Variants in TNRC18 observed in about 807,000 individuals in gnomAD.
The protein encoded by TNRC18 is trinucleotide repeat containing 18.
A neutral mutation model predicts 226.7 loss-of-function variants in TNRC18; 69 were observed. The ratio of observed to expected loss-of-function variants is 0.30; its 90% CI spans 0.25 to 0.37. The LOEUF is 0.37. TNRC18 is among the 10% of genes least tolerant of loss of function. The pLI is 1.00. For missense variants in TNRC18, 4,754 were observed against 4,256.6 expected (o/e 1.12, Z -3.25); for synonymous variants, 2,449 against 1,927.6 (o/e 1.27, Z -7.09).
Position 5,377,845 on chromosome 7 carries a change from G to T in TNRC18, c.2255+77C>A. 7.0e-7 allele frequency: 1 copy of T among 1,422,372 alleles called. No individual in the cohort carries two copies. Among genetic ancestry groups the T allele is most frequent in the Non-Finnish European group, 9.8e-7 (1 of 1,016,436 alleles). The allele number at this position is 1,422,372 out of a possible 1,614,324, so 88.1% of individuals were successfully genotyped here. A position where few individuals can be genotyped will look rare whatever the true frequency, so the allele number is the denominator to read the frequency against. Reference sequence around the variant, plus strand: ...CATGGTCGAGGGGCCAAGCCCACCTGGGGTCATCCAGCTGCCCCTCACCCC... The same window carrying T: ...CATGGTCGAGGGGCCAAGCCCACCTTGGGTCATCCAGCTGCCCCTCACCCC... On this transcript the variant is annotated intron_variant, in intron 6 of 29. Coordinates refer to ENST00000430969, the MANE Select transcript of TNRC18 (RefSeq NM_001080495.3). The surrounding 1 kb of genome is among the most constrained non-coding windows in gnomAD (Gnocchi z 5.8).
At chr7:5,382,573 G>A (rs1779473634) in intron 5 of TNRC18, among the ~76,000 whole-genome samples, 1 of 152,060 alleles carries the variant, frequency 6.6e-6, no homozygotes, top group Admixed American at 6.6e-5. Context: ...CTGGATAGAG[G>A]CCCCAGCAGG....
rs1414140978 is a variant in TNRC18, at chr7:5,370,831, C to G, written c.3763G>C (p.Val1255Leu). 2 of 1,609,262 alleles carry G rather than the reference C, an allele frequency of 1.2e-6. No homozygotes were observed. The highest frequency in any genetic ancestry group is 2.7e-5 in the African/African-American group (2 of 74,920). Residue 1255 changes from valine to leucine, a missense_variant, in exon 11 of 30, where the codon GTG becomes CTG. Val to Leu is a conservative substitution (Grantham distance 32). Transcript: ENST00000430969. ...LGVQLTPETL[V>L]EAKEEPVEVP... is the part of the protein sequence containing the mutation. ...TCCACCGGCTCCTCCTTGGCCTCCA[C>G]CAGTGTCTCGGGTGTCAGCTGCACC...
At chr7:5,349,099 G>A (rs991044194) in intron 17 of TNRC18, among the ~76,000 whole-genome samples, 4 of 152,176 alleles carry the variant, frequency 2.6e-5, no homozygotes, top group African/African-American at 7.2e-5. Flanking sequence ...GGGGGAGGGC[G>A]AGCTCTGGGT....
chr7:5,376,619 C>T (rs1014455232), intron 8 of TNRC18, among the ~76,000 whole-genome samples: 1 of 152,210 alleles, frequency 6.6e-6, no homozygotes, highest in Non-Finnish European at 1.5e-5. Flanking sequence ...CCACCCAGGG[C>T]TGCCTGTCTC....
intron 3 of TNRC18, among the ~76,000 whole-genome samples, chr7:5,392,114 G>A (rs1780345147): frequency 6.6e-6 from 1 of 152,064 alleles, no homozygotes; most frequent in Admixed American, 6.6e-5. Flanking sequence ...TCATGCCATT[G>A]ACAACACCCA....
Position 5,385,470 on chromosome 7 carries a change from G to A in TNRC18, c.2152+2202C>T, listed in dbSNP as rs562030063. 2.3e-3 allele frequency among the ~76,000 whole-genome samples: 337 copies of A among 146,370 alleles called. 2 individuals carry two copies. Among genetic ancestry groups the A allele is most frequent in the African/African-American group, 8.1e-3 (322 of 39,650 alleles). Reference sequence around the variant, plus strand: ...GCCACTGCAGTCCGCAGTCCGGCCTGGGCGACAGAGCGAGACTCCGTCTCA... The same window carrying A: ...GCCACTGCAGTCCGCAGTCCGGCCTAGGCGACAGAGCGAGACTCCGTCTCA... On this transcript the variant is annotated intron_variant, in intron 5 of 29. Coordinates refer to ENST00000430969, the MANE Select transcript of TNRC18 (RefSeq NM_001080495.3).
Position 5,362,158 on chromosome 7 carries a change from C to G in TNRC18, c.4396-125G>C, listed in dbSNP as rs565519448. On this transcript the variant is annotated intron_variant, in intron 12 of 29. Coordinates refer to ENST00000430969, the MANE Select transcript of TNRC18 (RefSeq NM_001080495.3). ...CTGGGAGCTGGGGCTCGAGTCCCAC[C>G]GCTGCCACCTCCTGACTGTGGCCAT... The G allele has an allele frequency of 5.4e-5, 63 of 1,164,424 alleles. No homozygotes were observed. In the African/African-American group the frequency reaches 8.0e-4, roughly 15 times the overall value. 72.1% of individuals were successfully genotyped at this position (1,164,424 alleles called of 1,614,324 possible).
intron 15 of TNRC18, among the ~76,000 whole-genome samples, chr7:5,358,419 A>C (rs1489416066): frequency 6.6e-6 from 1 of 152,224 alleles, no homozygotes; most frequent in Admixed American, 6.5e-5. Flanking sequence ...ATCCCTCACC[A>C]CAATTTGAAA....
chr7:5,345,517 G>GGACC, intron 18 of TNRC18, 45 bp downstream of exon 18: 1 of 377,744 alleles, frequency 2.6e-6, no homozygotes, highest in South Asian at 4.4e-5. Flanking sequence ...AATGGCGTCC[G>GGACC]CCCCTCCCAC....
chr7:5,390,793 C>T (rs945780661), intron 3 of TNRC18, among the ~76,000 whole-genome samples, 165 bp from the exon 4 acceptor site: 2 of 152,096 alleles, frequency 1.3e-5, no homozygotes, highest in African/African-American at 2.4e-5. Flanking sequence ...TGCTCCCCAA[C>T]CCTGGGTCTC....
intron 18 of TNRC18, among the ~76,000 whole-genome samples, chr7:5,340,540 C>T (rs998206657): frequency 2.6e-5 from 4 of 151,604 alleles, no homozygotes; most frequent in African/African-American, 9.7e-5. Flanking sequence ...AGTTCGAGAC[C>T]AGCCTGGCCA....
chr7:5,334,823 G>T (rs1211597475), intron 18 of TNRC18, among the ~76,000 whole-genome samples: 2 of 152,180 alleles, frequency 1.3e-5, no homozygotes, highest in African/African-American at 2.4e-5. Flanking sequence ...GGAGGCTCAC[G>T]TGGAAGGCAG....
intron 27 of TNRC18, among the ~76,000 whole-genome samples, chr7:5,310,435 C>T (rs1787055931): frequency 6.6e-6 from 1 of 152,110 alleles, no homozygotes; most frequent in Admixed American, 6.6e-5. Flanking sequence ...GGGGTTTCAC[C>T]ATGTTGGCAG....
At chr7:5,412,783 G>GCCT (rs1781928501) in intron 2 of TNRC18, among the ~76,000 whole-genome samples, 1 of 152,082 alleles carries the variant, frequency 6.6e-6, no homozygotes, top group Admixed American at 6.6e-5. Flanking sequence ...GTTCTATCTG[G>GCCT]GGATTACCAG....
intron 14 of TNRC18, among the ~76,000 whole-genome samples, chr7:5,359,919 A>T (rs1258655054): frequency 6.6e-6 from 1 of 152,184 alleles, no homozygotes; most frequent in African/African-American, 2.4e-5. Flanking sequence ...GAAATCCACC[A>T]GGATGGCAGG....
At chr7:5,325,758 AC>A (rs1377398970) in intron 19 of TNRC18, among the ~76,000 whole-genome samples, 1 of 123,836 alleles carries the variant, frequency 8.1e-6, no homozygotes, top group Non-Finnish European at 1.6e-5. Flanking sequence ...TTTTTTAGAG[AC>A]AAGGTCTCGC....
At chr7:5,406,117 A>C (rs1049243769) in intron 2 of TNRC18, among the ~76,000 whole-genome samples, 2 of 152,194 alleles carry the variant, frequency 1.3e-5, no homozygotes, top group African/African-American at 4.8e-5. Context: ...ATTCCACAAC[A>C]ACGTGGATGT....
intron 17 of TNRC18, among the ~76,000 whole-genome samples, chr7:5,346,078 G>C (rs1791163915): frequency 6.6e-6 from 1 of 152,402 alleles, no homozygotes. Context: ...TCTGTGAGGG[G>C]CACCAACATG....
chr7:5,377,312 A>ACCC lies in TNRC18; in HGVS notation c.2461+56_2461+58dup. On this transcript the variant is annotated intron_variant, in intron 7 of 29. Coordinates refer to ENST00000430969, the MANE Select transcript of TNRC18 (RefSeq NM_001080495.3). This position sits in a 1 kb window ranked among gnomAD's most constrained non-coding sequence, Gnocchi z 5.8. ...AGCCAGCCCTGAGCTCTTGTCCTGC[A>ACCC]CCCGCCCCCTCCCACCCCTCCCTCA... is the stretch of plus-strand genomic sequence containing the variant. The ACCC allele has an allele frequency of 1.7e-5, 22 of 1,295,716 alleles. No homozygotes were observed. The highest frequency in any genetic ancestry group is 2.6e-5 in the Admixed American group (1 of 38,622). The allele number at this position is 1,295,716 out of a possible 1,614,324, so 80.3% of individuals were successfully genotyped here.
Sources: allele counts gnomAD v4.1 joint callset (sites outside exome capture counted in the v4.1 genomes callset), GRCh38; gene constraint gnomAD v4.1.1; non-coding constraint Gnocchi (gnomAD v3.1); transcripts MANE v1.5; gene names NCBI Gene and HGNC (gene_info 2026-07-23, HGNC 2026-07-21).